LARS1: variants seen among roughly 807,000 people sequenced by gnomAD.
The protein encoded by LARS1 is leucyl-tRNA synthetase 1.
LARS1 carries 100 observed loss-of-function variants against 162.8 expected under a neutral mutation model. The observed-to-expected ratio is 0.61, with a 90% CI of 0.52 to 0.73. The LOEUF (loss-of-function observed/expected upper bound fraction) is 0.73. LARS1 is among the 30% of genes least tolerant of loss of function. LARS1 has a pLI of 0.00. For synonymous variants in LARS1, 457 were observed against 462.8 expected (o/e 0.99, Z 0.16); for missense variants, 1,258 against 1,408.9 (o/e 0.89, Z 1.71).
intron 2 of LARS1, among the ~76,000 whole-genome samples, chr5:146,175,565 C>A (rs1174088465): frequency 7.0e-6 from 1 of 143,460 alleles, no homozygotes; most frequent in African/African-American, 2.6e-5. Context: ...AAAGGCCGGG[C>A]GCAGTGGCTC....
chr5:146,126,997 T>C (rs1253314949), intron 27 of LARS1, among the ~76,000 whole-genome samples: 1 of 152,042 alleles, frequency 6.6e-6, no homozygotes, highest in Non-Finnish European at 1.5e-5. Flanking sequence ...AACAGAATCA[T>C]TTCTATCTAC....
chr5:146,174,484 CCATATAT>C (rs1754429388), intron 2 of LARS1, among the ~76,000 whole-genome samples: 1 of 4,762 alleles, frequency 2.1e-4, no homozygotes, highest in African/African-American at 5.0e-4. Flanking sequence ...ATATATATAT[CCATATAT>C]ATATATATCC....
At chr5:146,167,406 A>ATT (rs756992676) in intron 5 of LARS1, among the ~76,000 whole-genome samples, 4 of 145,176 alleles carry the variant, frequency 2.8e-5, no homozygotes, top group Non-Finnish European at 3.0e-5. Flanking sequence ...CAGAAAGATA[A>ATT]TTTTTTTTTT....
chr5:146,175,283 C>T (rs1004275007), intron 2 of LARS1, among the ~76,000 whole-genome samples: 8 of 151,276 alleles, frequency 5.3e-5, no homozygotes, highest in African/African-American at 1.5e-4. Context: ...CAGTGGCTCA[C>T]GCGTGTAATC....
chr5:146,161,541 C>T, intron 6 of LARS1, among the ~76,000 whole-genome samples: 1 of 152,048 alleles, frequency 6.6e-6, no homozygotes, highest in Non-Finnish European at 1.5e-5. Context: ...CCAGCCTAAC[C>T]AACATGGAGA....
At chr5:146,114,935 T>A (rs931152738) in intron 31 of LARS1, among the ~76,000 whole-genome samples, 2 of 149,586 alleles carry the variant, frequency 1.3e-5, no homozygotes, top group African/African-American at 2.5e-5. Flanking sequence ...TCCCAGCTAG[T>A]AGGGAGGCTG....
chr5:146,130,182 C>T, intron 24 of LARS1, 24 bp from the exon 25 acceptor site: 1 of 1,606,446 alleles, frequency 6.2e-7, no homozygotes, highest in Non-Finnish European at 8.5e-7. Context: ...AATTATTTAC[C>T]ATTTCCCTCA....
chr5:146,117,444 TACTAAAAATAGAAAA>T (rs1392014941), intron 31 of LARS1, among the ~76,000 whole-genome samples: 1 of 152,130 alleles, frequency 6.6e-6, no homozygotes, highest in African/African-American at 2.4e-5. Flanking sequence ...GCCCTGTCTC[TACTAAAAATAGAAAA>T]ATTAGCCAGG....
At chr5:146,180,527 A>C (rs1035264135) in intron 1 of LARS1, among the ~76,000 whole-genome samples, 3 of 152,152 alleles carry the variant, frequency 2.0e-5, no homozygotes, top group African/African-American at 7.2e-5. Flanking sequence ...TAAAAATAAA[A>C]ATAAAAAATA....
At chr5:146,127,448 TAA>T (rs1247424213) in intron 27 of LARS1, among the ~76,000 whole-genome samples, 1 of 152,014 alleles carries the variant, frequency 6.6e-6, no homozygotes, top group South Asian at 2.1e-4. Context: ...TACAAAAATC[TAA>T]AAGACAGCTG....
intron 31 of LARS1, among the ~76,000 whole-genome samples, chr5:146,117,442 T>A (rs1228256883): frequency 6.6e-6 from 1 of 152,152 alleles, no homozygotes; most frequent in Non-Finnish European, 1.5e-5. Context: ...AAGCCCTGTC[T>A]CTACTAAAAA....
intron 10 of LARS1, among the ~76,000 whole-genome samples, chr5:146,154,751 C>A (rs1753447182): frequency 6.6e-6 from 1 of 152,002 alleles, no homozygotes; most frequent in African/African-American, 2.4e-5. Context: ...GCACTCCAGC[C>A]TGGGTGACAG....
At chr5:146,157,908 A>T in intron 8 of LARS1, 113 bp from the exon 9 acceptor site, 1 of 989,184 alleles carries the variant, frequency 1.0e-6, no homozygotes, top group Non-Finnish European at 1.5e-6. Context: ...TGCATTATTA[A>T]TTTTTTTTTG....
At chr5:146,150,800 A>T (rs1753244901) in intron 14 of LARS1, among the ~76,000 whole-genome samples, 2 of 147,570 alleles carry the variant, frequency 1.4e-5, no homozygotes, top group Admixed American at 1.4e-4. Context: ...TTAGCTGGTC[A>T]TGGTGGCACG....
In LARS1 at chr5:146,153,300, C is replaced by T; in HGVS notation, c.1231-73G>A. On this transcript the variant is annotated intron_variant, in intron 12 of 31. Transcript: ENST00000394434. ...GAGAATCATTGAGAGAAGCAATCTCCAAAGTTTCTTAAAAGTTTCTTTAAA... is the reference window on the plus strand; with the variant it reads ...GAGAATCATTGAGAGAAGCAATCTCTAAAGTTTCTTAAAAGTTTCTTTAAA... The T allele has an allele frequency of 2.3e-5, 24 of 1,062,580 alleles. No homozygotes were observed. The South Asian group carries it at 3.1e-4, about 14-fold the overall frequency. 65.8% of individuals were successfully genotyped at this position (1,062,580 alleles called of 1,614,324 possible). A position where few individuals can be genotyped will look rare whatever the true frequency, so the allele number is the denominator to read the frequency against.
At chr5:146,179,505 C>T (rs964946283) in intron 1 of LARS1, among the ~76,000 whole-genome samples, 1 of 152,084 alleles carries the variant, frequency 6.6e-6, no homozygotes, top group Non-Finnish European at 1.5e-5. Flanking sequence ...AAAGGACCCA[C>T]CCACAAAGGC....
At chr5:146,153,080 A>G in intron 13 of LARS1, 94 bp downstream of exon 13, 1 of 974,276 alleles carries the variant, frequency 1.0e-6, no homozygotes, top group South Asian at 1.5e-5. Flanking sequence ...TTCATACTCC[A>G]CCAATTAATT....
At chr5:146,135,765 A>G in intron 21 of LARS1, 101 bp from the exon 22 acceptor site, 1 of 756,418 alleles carries the variant, frequency 1.3e-6, no homozygotes, top group East Asian at 3.0e-5. Flanking sequence ...AGATAAAAAC[A>G]AAAAAGAATT....
chr5:146,157,174 G>C (rs1369764158), intron 10 of LARS1, among the ~76,000 whole-genome samples: 2 of 152,162 alleles, frequency 1.3e-5, no homozygotes, highest in Non-Finnish European at 2.9e-5. Flanking sequence ...CTAATGATAT[G>C]GACATGAGAG....
Sources: allele counts gnomAD v4.1 joint callset (sites outside exome capture counted in the v4.1 genomes callset), GRCh38; gene constraint gnomAD v4.1.1; transcripts MANE v1.5; gene names NCBI Gene and HGNC (gene_info 2026-07-23, HGNC 2026-07-21).